CEP89: variants seen among roughly 807,000 people sequenced by gnomAD.
CEP89 encodes the protein centrosomal protein of 89 kDa.
In CEP89, 95 loss-of-function variants were observed where a neutral mutation model predicts 97.6. The observed-to-expected ratio is 0.97, with a 90% CI of 0.82 to 1.15. The LOEUF (loss-of-function observed/expected upper bound fraction) is 1.15. Among genes scored for constraint, CEP89 ranks in the 50% most tolerant of loss-of-function variants. CEP89 has a pLI of 0.00. For synonymous variants in CEP89, 354 were observed against 349.1 expected, an observed-to-expected ratio of 1.01 and a Z score of -0.16; for missense variants, 869 against 947.7, an observed-to-expected ratio of 0.92 and a Z score of 1.09.
chr19:32,880,617 C>A (rs1228067203), intron 18 of CEP89, among the ~76,000 whole-genome samples: 10 of 138,670 alleles, frequency 7.2e-5, no homozygotes, highest in Admixed American at 6.2e-4. Flanking sequence ...TTAGCCCAGG[C>A]AACAGAGCAA....
chr19:32,901,792 T>C (rs1969777545), intron 14 of CEP89, among the ~76,000 whole-genome samples: 2 of 152,140 alleles, frequency 1.3e-5, no homozygotes, highest in Admixed American at 1.3e-4. Context: ...ACCTGGCTAA[T>C]TTTTGTATTT....
At chr19:32,942,308 C>G (rs993675899) in intron 5 of CEP89, among the ~76,000 whole-genome samples, 1 of 152,086 alleles carries the variant, frequency 6.6e-6, no homozygotes, top group Admixed American at 6.6e-5. Flanking sequence ...TCAAGCCTGG[C>G]AGGCAAAGGT....
intron 5 of CEP89, among the ~76,000 whole-genome samples, 180 bp downstream of exon 5, chr19:32,948,086 C>T (rs200148326): frequency 6.6e-6 from 1 of 151,458 alleles, no homozygotes; most frequent in Non-Finnish European, 1.5e-5. Flanking sequence ...GGATTACAGG[C>T]GTGAGCCACC....
chr19:32,947,374 C>T (rs962468249), intron 5 of CEP89, among the ~76,000 whole-genome samples: 1 of 152,176 alleles, frequency 6.6e-6, no homozygotes, highest in Non-Finnish European at 1.5e-5. Context: ...CTATCCTATC[C>T]CTACCTCTAT....
At position 32,899,841 on chromosome 19, in the gene CEP89, C is replaced by A. The variant is rs770304147; in HGVS notation, c.1875+16G>T. On this transcript the variant is annotated intron_variant, in intron 16 of 18. Coordinates refer to ENST00000305768, the MANE Select transcript of CEP89 (RefSeq NM_032816.5). ...TTAACTCGCAGTTTACTTGATGTAA[C>A]CTTCAGGAAACTTACCAAACACATA... 6.2e-7 allele frequency: 1 copy of A among 1,602,890 alleles called. No individual in the cohort carries two copies. The highest frequency in any genetic ancestry group is 8.5e-7 in the Non-Finnish European group (1 of 1,174,106).
intron 2 of CEP89, 92 bp from the exon 3 acceptor site, chr19:32,960,150 C>G: frequency 7.3e-7 from 1 of 1,370,076 alleles, no homozygotes; most frequent in Admixed American, 1.9e-5. Flanking sequence ...GGCTTACCTT[C>G]TGCTGGACAG....
At chr19:32,887,891 A>T in intron 16 of CEP89, 50 bp from the exon 17 acceptor site, 1 of 1,047,296 alleles carries the variant, frequency 9.5e-7, no homozygotes, top group Non-Finnish European at 1.5e-6. Flanking sequence ...AAAAATTGAA[A>T]TAACAAACAA....
chr19:32,881,623 T>A (rs373101897), intron 18 of CEP89, among the ~76,000 whole-genome samples: 2 of 152,182 alleles, frequency 1.3e-5, no homozygotes, highest in East Asian at 3.8e-4. Context: ...GAGGTGTGCA[T>A]TGATTCCGGA....
chr19:32,898,881 TAAAA>T (rs56965428), intron 16 of CEP89, among the ~76,000 whole-genome samples: 4 of 127,492 alleles, frequency 3.1e-5, no homozygotes, highest in East Asian at 2.3e-4. Context: ...GACTCCATCT[TAAAA>T]AAAAAAAAAA....
chr19:32,955,212 G>A (rs142188271), intron 3 of CEP89, among the ~76,000 whole-genome samples: 1 of 152,128 alleles, frequency 6.6e-6, no homozygotes, highest in African/African-American at 2.4e-5. Flanking sequence ...ATGTTGCCCA[G>A]GCTGGTCTCA....
intron 14 of CEP89, 31 bp downstream of exon 14, chr19:32,915,306 A>G (rs550313821): frequency 1.5e-5 from 24 of 1,558,644 alleles, no homozygotes; most frequent in East Asian, 2.3e-5. Context: ...AAAAGAAAAA[A>G]AAAAAAAAAG....
chr19:32,900,004 G>C lies in CEP89; in HGVS notation c.1734-6C>G. ...CAATTTTCTTTTGAGATTTCCTAGA[G>C]AGTTACCCCAAATGGTAGAATAAAA... On this transcript the variant is annotated splice_region_variant and splice_polypyrimidine_tract_variant and intron_variant, in intron 15 of 18. Transcript: ENST00000305768. 5 of 1,613,906 alleles carry C rather than the reference G, an allele frequency of 3.1e-6. No homozygotes were observed. Among genetic ancestry groups the C allele is most frequent in the Non-Finnish European group, 4.2e-6 (5 of 1,179,890 alleles).
chr19:32,913,763 C>G (rs1194449086), intron 14 of CEP89, among the ~76,000 whole-genome samples: 1 of 151,810 alleles, frequency 6.6e-6, no homozygotes, highest in East Asian at 1.9e-4. Flanking sequence ...CTCAGCCTCC[C>G]GAGTAGCTGG....
intron 2 of CEP89, among the ~76,000 whole-genome samples, chr19:32,964,852 T>C (rs1435530998): frequency 1.3e-5 from 2 of 152,188 alleles, no homozygotes; most frequent in Non-Finnish European, 2.9e-5. Context: ...ATATTTATTA[T>C]CTTTTTTTCT....
intron 14 of CEP89, among the ~76,000 whole-genome samples, chr19:32,902,456 T>A (rs536502922): frequency 3.9e-5 from 6 of 152,346 alleles, no homozygotes; most frequent in African/African-American, 1.4e-4. Flanking sequence ...TAAAGAAGAA[T>A]GTTGAAAATA....
At position 32,969,252 on chromosome 19, in the gene CEP89, CA is replaced by C. The variant is rs1385127172; in HGVS notation, c.39+2583del. The C allele has an allele frequency of 3.3e-5, 5 of 152,486 alleles. No individual in the cohort carries two copies. The East Asian group carries it at 9.6e-4, about 29-fold the overall frequency. 9.4% of individuals were successfully genotyped at this position (152,486 alleles called of 1,614,324 possible). On this transcript the variant is annotated intron_variant, in intron 1 of 18. Coordinates refer to ENST00000305768, the MANE Select transcript of CEP89 (RefSeq NM_032816.5). ...CCTGTCCCCTCGTCTCTACCATCTT[CA>C]TCCTCTGGCTATTCTCTGCGCTGCT...
In CEP89 at chr19:32,876,850, T is replaced by C. The variant is rs1354794046; in HGVS notation, c.*2312A>G. 6.6e-6 allele frequency: 1 copy of C among 152,138 alleles called. No homozygotes were observed. Among genetic ancestry groups the C allele is most frequent in the Non-Finnish European group, 1.5e-5 (1 of 67,990 alleles). The allele number at this position is 152,138 out of a possible 1,614,324, so 9.4% of individuals were successfully genotyped here. A position where few individuals can be genotyped will look rare whatever the true frequency, so the allele number is the denominator to read the frequency against. ...CCATACTTGCAAAGTATGTTTGCAC[T>C]GTGTGAAAAACTTAAAGCAGAAACA... On this transcript the variant is annotated 3_prime_UTR_variant, in exon 19 of 19. Coordinates refer to ENST00000305768, the MANE Select transcript of CEP89 (RefSeq NM_032816.5).
At chr19:32,952,584 A>T (rs1215026720) in intron 4 of CEP89, among the ~76,000 whole-genome samples, 1 of 152,096 alleles carries the variant, frequency 6.6e-6, no homozygotes, top group Non-Finnish European at 1.5e-5. Context: ...AGACACTATG[A>T]ATAACACATT....
chr19:32,914,624 C>A (rs997192043), intron 14 of CEP89, among the ~76,000 whole-genome samples: 2 of 151,768 alleles, frequency 1.3e-5, no homozygotes, highest in African/African-American at 4.8e-5. Flanking sequence ...CAGGCCAAAA[C>A]AGTATGAAAA....
Sources: gnomAD v4.1 joint callset for allele counts (sites outside exome capture counted in the v4.1 genomes callset) on GRCh38, gnomAD v4.1.1 for gene constraint, MANE v1.5 for transcripts, NCBI Gene and HGNC (gene_info 2026-07-23, HGNC 2026-07-21) for gene names.